The following RBFOX3 variants were observed in gnomAD, a reference collection of about 807,000 sequenced individuals.
RBFOX3 encodes the protein RNA binding protein fox-1 homolog 3.
A neutral mutation model predicts 48.7 loss-of-function variants in RBFOX3; 17 were observed. The observed-to-expected ratio is 0.35, with a 90% CI of 0.24 to 0.52. RBFOX3 has a LOEUF of 0.52. RBFOX3 is among the 20% of genes least tolerant of loss of function. The pLI, the probability that RBFOX3 is intolerant of heterozygous loss-of-function variation, is 0.94. For missense variants in RBFOX3, 382 were observed against 497.5 expected (o/e 0.77, Z 2.21); for synonymous variants, 212 against 209.5 (o/e 1.01, Z -0.10).
At chr17:79,322,013 G>A (rs2078602067) in intron 2 of RBFOX3, among the ~76,000 whole-genome samples, 1 of 152,080 alleles carries the variant, frequency 6.6e-6, no homozygotes. Flanking sequence ...CCAGGAATCT[G>A]GATTCTAATG....
chr17:79,141,618 T>A (rs749132151), intron 4 of RBFOX3, among the ~76,000 whole-genome samples: 2 of 152,290 alleles, frequency 1.3e-5, no homozygotes, highest in Non-Finnish European at 2.9e-5. Flanking sequence ...CACAGCCCCT[T>A]GGCAATGTGC....
At chr17:79,526,374 A>G (rs2150040111) in intron 1 of RBFOX3, among the ~76,000 whole-genome samples, 1 of 152,316 alleles carries the variant, frequency 6.6e-6, no homozygotes, top group East Asian at 1.9e-4. Flanking sequence ...TTCCTTCCCA[A>G]AAGAGAAGAG....
At chr17:79,620,449 AC>A in the RBFOX3 span, among the ~76,000 whole-genome samples, 1 of 145,170 alleles carries the variant, frequency 6.9e-6, no homozygotes, top group Non-Finnish European at 1.5e-5. Flanking sequence ...GCACATGCAC[AC>A]ATGCGCACAC....
In RBFOX3 at chr17:79,587,430, C is replaced by T. The variant is rs896591521; in HGVS notation, c.-320+23396G>A. Among the ~76,000 whole-genome samples, 184 of 152,360 alleles carry T rather than the reference C, an allele frequency of 1.2e-3. 3 individuals carry two copies. In the South Asian group the frequency reaches 0.019, roughly 16 times the overall value. ...AGTCCAGTGTCCTTTGCAGTAGACA[C>T]CAGCAAGGCTAGGGACCCCAGCCCC... is the stretch of plus-strand genomic sequence containing the variant. On this transcript the variant is annotated intron_variant, in intron 1 of 14. Coordinates refer to ENST00000693108, the MANE Select transcript of RBFOX3 (RefSeq NM_001350451.2).
At chr17:79,357,195 G>A (rs529723345) in intron 2 of RBFOX3, among the ~76,000 whole-genome samples, 20 of 152,342 alleles carry the variant, frequency 1.3e-4, no homozygotes, top group Non-Finnish European at 1.9e-4. Context: ...CAGGCTGTAC[G>A]CACATGTAGA....
intron 2 of RBFOX3, among the ~76,000 whole-genome samples, chr17:79,313,071 T>A (rs1371612052): frequency 6.6e-6 from 1 of 152,174 alleles, no homozygotes; most frequent in East Asian, 1.9e-4. Context: ...GGCATCTGGC[T>A]CAAGAGCTCA....
intron 3 of RBFOX3, among the ~76,000 whole-genome samples, chr17:79,264,249 T>C (rs2066291301): frequency 6.6e-6 from 1 of 151,998 alleles, no homozygotes. Context: ...CTAATTTTTG[T>C]ATTTTTAGTA....
intron 2 of RBFOX3, among the ~76,000 whole-genome samples, chr17:79,454,681 G>A (rs2074171718): frequency 6.6e-6 from 1 of 152,222 alleles, no homozygotes; most frequent in East Asian, 1.9e-4. Flanking sequence ...GCCCAGAGAG[G>A]TTAAGCGACC....
intron 2 of RBFOX3, among the ~76,000 whole-genome samples, chr17:79,476,661 G>A (rs1385068801): frequency 6.6e-5 from 10 of 152,214 alleles, no homozygotes; most frequent in Non-Finnish European, 8.8e-5. Context: ...TCCGACCCCT[G>A]TGAGGGGTAA....
At chr17:79,168,046 G>A (rs1318467517) in intron 4 of RBFOX3, among the ~76,000 whole-genome samples, 1 of 152,216 alleles carries the variant, frequency 6.6e-6, no homozygotes, top group East Asian at 1.9e-4. Flanking sequence ...GTGGGTAACT[G>A]GGGAGGGTGG....
At chr17:79,143,567 T>A (rs1031824230) in intron 4 of RBFOX3, among the ~76,000 whole-genome samples, 1 of 152,160 alleles carries the variant, frequency 6.6e-6, no homozygotes, top group Non-Finnish European at 1.5e-5. Flanking sequence ...GGCTGGGCCT[T>A]GGCCACCAGA....
At chr17:79,295,075 C>T (rs1368339701) in intron 3 of RBFOX3, among the ~76,000 whole-genome samples, 4 of 152,238 alleles carry the variant, frequency 2.6e-5, no homozygotes, top group South Asian at 4.1e-4. Context: ...CTAACGCTCT[C>T]GGCCCGGGTC....
chr17:79,397,896 G>T (rs1378730932), intron 2 of RBFOX3, among the ~76,000 whole-genome samples: 1 of 152,192 alleles, frequency 6.6e-6, no homozygotes, highest in Non-Finnish European at 1.5e-5. Context: ...CTGGGGCTGG[G>T]AAGATGGATT....
Position 79,205,536 on chromosome 17 carries a change from G to C in RBFOX3, c.-34+30230C>G, listed in dbSNP as rs2057367334. On this transcript the variant is annotated intron_variant, in intron 4 of 14. Coordinates refer to ENST00000693108, the MANE Select transcript of RBFOX3 (RefSeq NM_001350451.2). The surrounding 1 kb of genome is among the most constrained non-coding windows in gnomAD (Gnocchi z 4.5). ...CTAAGACAGGAAATCAGAAAAAACA[G>C]TACACCCCAGGGAACTTGCAAAAAT... Among the ~76,000 whole-genome samples, 1 of 152,108 alleles carries C rather than the reference G, an allele frequency of 6.6e-6. No homozygotes were observed.
At chr17:79,496,431 G>A (rs1208839517) in intron 1 of RBFOX3, among the ~76,000 whole-genome samples, 4 of 152,118 alleles carry the variant, frequency 2.6e-5, no homozygotes, top group Non-Finnish European at 5.9e-5. Context: ...TGGGCATCAG[G>A]GAAATAACTC....
intron 4 of RBFOX3, among the ~76,000 whole-genome samples, chr17:79,192,785 AG>A (rs752956006): frequency 1.8e-4 from 28 of 152,178 alleles, no homozygotes; most frequent in Admixed American, 1.5e-3. Context: ...TCTGTTTTGC[AG>A]GGGTGGCCAG....
In RBFOX3 at chr17:79,261,736, G is replaced by A. The variant is rs145418751; in HGVS notation, c.-73-25931C>T. 6.8e-3 allele frequency among the ~76,000 whole-genome samples: 1,043 copies of A among 152,326 alleles called. 5 individuals are homozygous for A. Among genetic ancestry groups the A allele is most frequent in the Middle Eastern group, 0.024 (7 of 294 alleles). On this transcript the variant is annotated intron_variant, in intron 3 of 14. Coordinates refer to ENST00000693108, the MANE Select transcript of RBFOX3 (RefSeq NM_001350451.2). ...CTCCCTATCCCATCCCGCACTGGTC[G>A]CCACGGGGACCTTGGTGTGAAACCA...
chr17:79,172,826 G>C (rs1469320000), intron 4 of RBFOX3, among the ~76,000 whole-genome samples: 3 of 152,204 alleles, frequency 2.0e-5, no homozygotes, highest in Non-Finnish European at 4.4e-5. Flanking sequence ...ATCTCATCCT[G>C]ATTATTCTGG....
At chr17:79,166,338 C>A (rs2048009447) in intron 4 of RBFOX3, among the ~76,000 whole-genome samples, 2 of 152,206 alleles carry the variant, frequency 1.3e-5, no homozygotes, top group South Asian at 4.1e-4. Flanking sequence ...GGGGAGCCCG[C>A]CAGGAGCTGT....
Sources: allele counts gnomAD v4.1 joint callset (sites outside exome capture counted in the v4.1 genomes callset), GRCh38; gene constraint gnomAD v4.1.1; non-coding constraint Gnocchi (gnomAD v3.1); transcripts MANE v1.5; gene names NCBI Gene and HGNC (gene_info 2026-07-23, HGNC 2026-07-21).